LHFPL6: variants seen among roughly 807,000 people sequenced by gnomAD.
The protein encoded by LHFPL6 is LHFPL tetraspan subfamily member 6 protein.
In LHFPL6, 9 loss-of-function variants were observed where a neutral mutation model predicts 20.6. The observed-to-expected ratio is 0.44, with a 90% CI of 0.26 to 0.76. The LOEUF (loss-of-function observed/expected upper bound fraction) is 0.76. LHFPL6 is among the 30% of genes least tolerant of loss of function. The pLI is 0.20. For synonymous variants in LHFPL6, 105 were observed against 98.7 expected (o/e 1.06, Z -0.38); for missense variants, 218 against 253.5 (o/e 0.86, Z 0.95).
intron 2 of LHFPL6, among the ~76,000 whole-genome samples, chr13:39,421,238 G>T (rs1024659061): frequency 1.6e-4 from 25 of 152,216 alleles, no homozygotes; most frequent in African/African-American, 5.8e-4. Context: ...TGATGCTCAG[G>T]TATCATATTT....
At chr13:39,416,892 AT>A (rs1871362928) in intron 2 of LHFPL6, among the ~76,000 whole-genome samples, 1 of 152,224 alleles carries the variant, frequency 6.6e-6, no homozygotes, top group Non-Finnish European at 1.5e-5. Flanking sequence ...GCATATGAAC[AT>A]TTGTCACAGG....
chr13:39,597,478 C>T (rs1872804700), intron 2 of LHFPL6, among the ~76,000 whole-genome samples: 1 of 152,096 alleles, frequency 6.6e-6, no homozygotes, highest in Non-Finnish European at 1.5e-5. Context: ...TTATATTCAC[C>T]AATCAAAAAC....
chr13:39,372,596 C>T (rs183541564), intron 3 of LHFPL6, among the ~76,000 whole-genome samples: 14 of 152,310 alleles, frequency 9.2e-5, no homozygotes, highest in Admixed American at 1.3e-4. Flanking sequence ...AATACTTTTG[C>T]AAGATTGCTT....
chr13:39,563,091 A>AACAC (rs60324329), intron 2 of LHFPL6, among the ~76,000 whole-genome samples: 10,711 of 135,528 alleles, frequency 0.079, 562 homozygotes, highest in South Asian at 0.12. Context: ...CAATACTAGA[A>AACAC]ACACACACAC....
intron 2 of LHFPL6, among the ~76,000 whole-genome samples, chr13:39,472,421 C>G (rs1872970167): frequency 6.6e-6 from 1 of 152,094 alleles, no homozygotes; most frequent in African/African-American, 2.4e-5. Context: ...AGAAGTGAAT[C>G]TGCGTCCTTT....
intron 2 of LHFPL6, among the ~76,000 whole-genome samples, chr13:39,393,090 G>A (rs1157588700): frequency 6.6e-6 from 1 of 152,036 alleles, no homozygotes. Context: ...ATGCAAATAC[G>A]GTGCCATTTT....
intron 2 of LHFPL6, among the ~76,000 whole-genome samples, chr13:39,577,960 A>G (rs1212381129): frequency 6.6e-6 from 1 of 152,088 alleles, no homozygotes; most frequent in Admixed American, 6.6e-5. Flanking sequence ...CAACAACTCA[A>G]TATTAATGCT....
intron 2 of LHFPL6, among the ~76,000 whole-genome samples, chr13:39,591,292 T>C (rs1872584121): frequency 6.6e-6 from 1 of 152,150 alleles, no homozygotes; most frequent in Non-Finnish European, 1.5e-5. Context: ...AAACACAGCA[T>C]TGGGAATGAT....
chr13:39,426,707 T>C (rs1248962488), intron 2 of LHFPL6, among the ~76,000 whole-genome samples: 1 of 152,186 alleles, frequency 6.6e-6, no homozygotes. Context: ...TGTACGTACA[T>C]AAAATAGTTT....
At chr13:39,440,748 C>T (rs1872098980) in intron 2 of LHFPL6, among the ~76,000 whole-genome samples, 1 of 152,050 alleles carries the variant, frequency 6.6e-6, no homozygotes, top group Non-Finnish European at 1.5e-5. Context: ...TGTCCCCCAC[C>T]CTAATCTCAT....
In LHFPL6 at chr13:39,342,982, A is replaced by T; in HGVS notation, c.*954T>A. ...TTTTTACAAAATGAATATAGAAATAAATGTGGTACAGCACAGTACAATAAT... is the reference window on the plus strand; with the variant it reads ...TTTTTACAAAATGAATATAGAAATATATGTGGTACAGCACAGTACAATAAT... On this transcript the variant is annotated 3_prime_UTR_variant, in exon 4 of 4. Coordinates refer to ENST00000379589, the MANE Select transcript of LHFPL6 (RefSeq NM_005780.3). 1 of 188,720 alleles carries T rather than the reference A, an allele frequency of 5.3e-6. No homozygotes were observed. The highest frequency in any genetic ancestry group is 2.3e-5 in the African/African-American group (1 of 43,038). 11.7% of individuals were successfully genotyped at this position (188,720 alleles called of 1,614,324 possible).
intron 2 of LHFPL6, 113 bp downstream of exon 2, chr13:39,600,719 T>G: frequency 9.0e-7 from 1 of 1,114,468 alleles, no homozygotes; most frequent in Non-Finnish European, 1.2e-6. Context: ...CAAATCTATT[T>G]CTCTTATGCA....
chr13:39,496,832 AG>A (rs1869117577), intron 2 of LHFPL6, among the ~76,000 whole-genome samples: 1 of 152,176 alleles, frequency 6.6e-6, no homozygotes, highest in African/African-American at 2.4e-5. Flanking sequence ...ACCAACTGGG[AG>A]TGAAGTGCTG....
intron 2 of LHFPL6, among the ~76,000 whole-genome samples, chr13:39,434,716 G>A (rs571347949): frequency 2.6e-5 from 4 of 152,134 alleles, no homozygotes; most frequent in East Asian, 1.9e-4. Context: ...TCACCTCCAC[G>A]CTTGCAATAA....
intron 2 of LHFPL6, among the ~76,000 whole-genome samples, chr13:39,598,250 T>C (rs1277467824): frequency 4.0e-5 from 6 of 151,228 alleles, no homozygotes; most frequent in Non-Finnish European, 8.8e-5. Flanking sequence ...CAAACAATTA[T>C]GAAATGAACA....
chr13:39,456,653 T>TA (rs1020805151), intron 2 of LHFPL6, among the ~76,000 whole-genome samples: 34 of 152,324 alleles, frequency 2.2e-4, no homozygotes, highest in African/African-American at 7.5e-4. Context: ...ATGGATCAGC[T>TA]AGATATCTGC....
At chr13:39,417,270 A>G (rs1162581601) in intron 2 of LHFPL6, among the ~76,000 whole-genome samples, 6 of 152,222 alleles carry the variant, frequency 3.9e-5, no homozygotes, top group African/African-American at 1.4e-4. Flanking sequence ...CATGTTGCAG[A>G]AGAATCTGTG....
chr13:39,424,850 A>G (rs1871595890), intron 2 of LHFPL6, among the ~76,000 whole-genome samples: 1 of 152,312 alleles, frequency 6.6e-6, no homozygotes, highest in Non-Finnish European at 1.5e-5. Flanking sequence ...TCGTAGCATT[A>G]TTTGAGTACT....
At chr13:39,508,143 G>C (rs1438257927) in intron 2 of LHFPL6, among the ~76,000 whole-genome samples, 1 of 151,740 alleles carries the variant, frequency 6.6e-6, no homozygotes, top group African/African-American at 2.4e-5. Flanking sequence ...TCCTGCCTCA[G>C]CCTCCCGAGT....
Sources: allele counts gnomAD v4.1 joint callset (sites outside exome capture counted in the v4.1 genomes callset), GRCh38; gene constraint gnomAD v4.1.1; transcripts MANE v1.5; gene names NCBI Gene and HGNC (gene_info 2026-07-23, HGNC 2026-07-21).